PLCB1: variants seen among roughly 807,000 people sequenced by gnomAD.
The protein encoded by PLCB1 is 1-phosphatidylinositol 4,5-bisphosphate phosphodiesterase beta-1.
In PLCB1, 46 loss-of-function variants were observed where a neutral mutation model predicts 161.8. The ratio of observed to expected loss-of-function variants is 0.28; its 90% CI spans 0.22 to 0.36. The LOEUF is 0.36. Ranked by LOEUF, PLCB1 falls within the 10% of genes least tolerant of loss-of-function variation. PLCB1 has a pLI of 1.00. For synonymous variants in PLCB1, 517 were observed against 503.7 expected, an observed-to-expected ratio of 1.03 and a Z score of -0.35; for missense variants, 1,016 against 1,472.5, an observed-to-expected ratio of 0.69 and a Z score of 5.07.
intron 2 of PLCB1, among the ~76,000 whole-genome samples, chr20:8,226,595 C>CTGAA (rs1377771111): frequency 2.6e-5 from 4 of 152,026 alleles, no homozygotes; most frequent in Non-Finnish European, 5.9e-5. Context: ...TTCAGTCTTC[C>CTGAA]AGAATTGACG....
chr20:8,700,959 G>A (rs1990689780), intron 11 of PLCB1, among the ~76,000 whole-genome samples: 1 of 152,230 alleles, frequency 6.6e-6, no homozygotes, highest in South Asian at 2.1e-4. Context: ...CTTTGCATCA[G>A]GACTGAGACT....
At chr20:8,335,004 A>C (rs1487565380) in intron 2 of PLCB1, among the ~76,000 whole-genome samples, 2 of 152,240 alleles carry the variant, frequency 1.3e-5, no homozygotes, top group African/African-American at 4.8e-5. Flanking sequence ...CTATTGACAC[A>C]GATTAATGCA....
chr20:8,505,936 C>T (rs1983620306), intron 3 of PLCB1, among the ~76,000 whole-genome samples: 1 of 152,198 alleles, frequency 6.6e-6, no homozygotes, highest in Non-Finnish European at 1.5e-5. Context: ...GCACTGTTTT[C>T]ACTGTTTCTT....
intron 3 of PLCB1, among the ~76,000 whole-genome samples, chr20:8,395,043 A>G (rs985479991): frequency 6.6e-6 from 1 of 151,816 alleles, no homozygotes; most frequent in African/African-American, 2.4e-5. Flanking sequence ...ATTAAATTTG[A>G]CTCTCTTTAG....
intron 3 of PLCB1, among the ~76,000 whole-genome samples, chr20:8,374,783 T>G (rs530022054): frequency 3.3e-5 from 5 of 152,296 alleles, no homozygotes; most frequent in Middle Eastern, 3.4e-3. Flanking sequence ...AGTGCAAGAC[T>G]TTCTGCGGGG....
At chr20:8,343,512 C>T (rs999295086) in intron 2 of PLCB1, among the ~76,000 whole-genome samples, 3 of 152,118 alleles carry the variant, frequency 2.0e-5, no homozygotes, top group African/African-American at 7.2e-5. Flanking sequence ...TTCTCTCTGT[C>T]ACCTGTACTT....
intron 3 of PLCB1, among the ~76,000 whole-genome samples, chr20:8,571,504 A>G (rs1986516253): frequency 1.3e-5 from 2 of 152,180 alleles, no homozygotes; most frequent in South Asian, 4.1e-4. Flanking sequence ...TAAATAAAAA[A>G]TAAAGGATCT....
At chr20:8,728,365 T>G (rs538591649) in intron 17 of PLCB1, among the ~76,000 whole-genome samples, 11 of 152,148 alleles carry the variant, frequency 7.2e-5, no homozygotes, top group Admixed American at 2.0e-4. Flanking sequence ...CAGTCATGTT[T>G]TAAAGACATA....
At chr20:8,508,956 C>A (rs1175641097) in intron 3 of PLCB1, among the ~76,000 whole-genome samples, 1 of 152,136 alleles carries the variant, frequency 6.6e-6, no homozygotes, top group Non-Finnish European at 1.5e-5. Context: ...ACACAACCAA[C>A]TTTTAGTTGC....
At chr20:8,293,870 G>A (rs796140791) in intron 2 of PLCB1, among the ~76,000 whole-genome samples, 6 of 152,270 alleles carry the variant, frequency 3.9e-5, no homozygotes, top group African/African-American at 1.4e-4. Context: ...AGTGGGCACA[G>A]ATGCCATTGC....
At chr20:8,789,845 A>G (rs1239312766) in intron 30 of PLCB1, among the ~76,000 whole-genome samples, 1 of 152,214 alleles carries the variant, frequency 6.6e-6, no homozygotes, top group Non-Finnish European at 1.5e-5. Flanking sequence ...TAGTGTTCCC[A>G]AAAGAACCTT....
At chr20:8,549,705 G>T (rs1481878334) in intron 3 of PLCB1, among the ~76,000 whole-genome samples, 1 of 152,032 alleles carries the variant, frequency 6.6e-6, no homozygotes, top group Non-Finnish European at 1.5e-5. Flanking sequence ...AGTGTAGCTG[G>T]GACTACAGGT....
At chr20:8,455,479 C>T (rs1292895669) in intron 3 of PLCB1, among the ~76,000 whole-genome samples, 5 of 121,666 alleles carry the variant, frequency 4.1e-5, no homozygotes, top group Non-Finnish European at 6.4e-5. Flanking sequence ...CTCGCTCTGT[C>T]ACCCAGGCTA....
intron 1 of PLCB1, among the ~76,000 whole-genome samples, chr20:8,149,760 A>G (rs191124631): frequency 2.0e-5 from 3 of 152,120 alleles, no homozygotes; most frequent in Admixed American, 1.3e-4. Flanking sequence ...TTTACCTATG[A>G]TGTTTTATTT....
intron 3 of PLCB1, among the ~76,000 whole-genome samples, chr20:8,584,263 C>T (rs1986919175): frequency 1.3e-5 from 2 of 152,068 alleles, no homozygotes; most frequent in African/African-American, 4.8e-5. Context: ...TATGGTGCCT[C>T]ACACAAAGTA....
Position 8,315,335 on chromosome 20 carries a change from G to A in PLCB1, c.178-56047G>A, listed in dbSNP as rs141797820. Among the ~76,000 whole-genome samples the A allele has an allele frequency of 2.2e-3, 338 of 152,322 alleles. 3 individuals are homozygous for A. The highest frequency in any genetic ancestry group is 7.6e-3 in the African/African-American group (314 of 41,578). On this transcript the variant is annotated intron_variant, in intron 2 of 31. Coordinates refer to ENST00000338037, the MANE Select transcript of PLCB1 (RefSeq NM_015192.4). ...TGCCCTGACCTGAGTGGGAAGAGAA[G>A]TGGGGACACTTTAGTTTGTTTTTCC...
At chr20:8,135,501 T>C (rs1034155901) in intron 1 of PLCB1, among the ~76,000 whole-genome samples, 1 of 152,094 alleles carries the variant, frequency 6.6e-6, no homozygotes, top group Non-Finnish European at 1.5e-5. Context: ...ACATAGGCAC[T>C]AAACAATCAC....
intron 4 of PLCB1, among the ~76,000 whole-genome samples, chr20:8,632,217 G>A (rs1259243282): frequency 6.6e-6 from 1 of 151,734 alleles, no homozygotes; most frequent in Admixed American, 6.6e-5. Context: ...CACAGTAAAC[G>A]GGAGAGAGCA....
At chr20:8,496,629 G>A (rs1983185173) in intron 3 of PLCB1, among the ~76,000 whole-genome samples, 1 of 152,210 alleles carries the variant, frequency 6.6e-6, no homozygotes, top group African/African-American at 2.4e-5. Context: ...CATTGATGGA[G>A]GTAGATTTTC....
Sources: gnomAD v4.1 joint callset for allele counts (sites outside exome capture counted in the v4.1 genomes callset) on GRCh38, gnomAD v4.1.1 for gene constraint, MANE v1.5 for transcripts, NCBI Gene and HGNC (gene_info 2026-07-23, HGNC 2026-07-21) for gene names.